PRKG1: variants seen among roughly 807,000 people sequenced by gnomAD.
PRKG1 encodes cGMP-dependent protein kinase 1.
PRKG1 carries 35 observed loss-of-function variants against 88.1 expected under a neutral mutation model. The observed-to-expected ratio is 0.40, with a 90% CI of 0.30 to 0.53. The LOEUF is 0.53. Ranked by LOEUF, PRKG1 falls within the 20% of genes least tolerant of loss-of-function variation. The pLI is 0.59. For missense variants in PRKG1, 540 were observed against 839.8 expected (o/e 0.64, Z 4.41); for synonymous variants, 303 against 292.5 (o/e 1.04, Z -0.37).
intron 5 of PRKG1, among the ~76,000 whole-genome samples, chr10:51,924,739 T>C (rs533994014): frequency 6.6e-6 from 1 of 152,050 alleles, no homozygotes; most frequent in East Asian, 1.9e-4. Context: ...GTCATTCCTG[T>C]TTTTTCTTTG....
chr10:52,163,898 G>A (rs10824178), intron 9 of PRKG1, among the ~76,000 whole-genome samples: 10,748 of 152,152 alleles, frequency 0.071, 404 homozygotes, highest in South Asian at 0.11. Flanking sequence ...CTGAATGAAG[G>A]CCAGAAGTCT....
chr10:51,355,947 G>A (rs533306090), intron 2 of PRKG1, among the ~76,000 whole-genome samples: 10 of 152,026 alleles, frequency 6.6e-5, no homozygotes, highest in African/African-American at 2.4e-4. Flanking sequence ...AAAAAGGGTG[G>A]GAAAAGCCTG....
chr10:51,811,992 T>G (rs1300823826), intron 4 of PRKG1, among the ~76,000 whole-genome samples: 1 of 152,198 alleles, frequency 6.6e-6, no homozygotes, highest in African/African-American at 2.4e-5. Flanking sequence ...GTATGACTTA[T>G]TAATATGAAG....
intron 5 of PRKG1, among the ~76,000 whole-genome samples, chr10:51,947,665 A>G (rs1427592925): frequency 6.6e-6 from 1 of 152,172 alleles, no homozygotes; most frequent in African/African-American, 2.4e-5. Flanking sequence ...AAGCAGGTTC[A>G]TGGGCTGAGG....
At chr10:51,706,888 ATGG>A (rs1244009132) in intron 3 of PRKG1, among the ~76,000 whole-genome samples, 2 of 152,040 alleles carry the variant, frequency 1.3e-5, no homozygotes, top group Non-Finnish European at 2.9e-5. Flanking sequence ...CTTACATTGT[ATGG>A]TCATTATTAA....
intron 3 of PRKG1, among the ~76,000 whole-genome samples, chr10:51,664,439 G>A (rs1262958765): frequency 6.6e-6 from 1 of 152,114 alleles, no homozygotes; most frequent in African/African-American, 2.4e-5. Context: ...TCCTAACATG[G>A]ACAGCTTATC....
intron 7 of PRKG1, chr10:52,081,726 G>A (rs1484334173): frequency 4.4e-6 from 2 of 455,550 alleles, no homozygotes; most frequent in African/African-American, 4.0e-5. Context: ...CAGGGTAAGG[G>A]TGAACAAGGT....
intron 5 of PRKG1, among the ~76,000 whole-genome samples, chr10:51,931,169 G>A (rs184888658): frequency 1.3e-5 from 2 of 152,180 alleles, no homozygotes; most frequent in Non-Finnish European, 2.9e-5. Context: ...TGTGTCTCTG[G>A]CACATCTGTC....
chr10:51,780,757 A>C (rs1838566765), intron 3 of PRKG1, among the ~76,000 whole-genome samples: 1 of 152,118 alleles, frequency 6.6e-6, no homozygotes, highest in Non-Finnish European at 1.5e-5. Flanking sequence ...GTAGCTGATG[A>C]TTGGGGAATT....
intron 9 of PRKG1, among the ~76,000 whole-genome samples, chr10:52,249,217 C>T (rs2132396541): frequency 6.6e-6 from 1 of 151,162 alleles, no homozygotes; most frequent in East Asian, 1.9e-4. Context: ...TGTAAAAAAG[C>T]CCCCAACCTT....
chr10:51,286,486 T>C lies in PRKG1; in HGVS notation c.478+133156T>C, dbSNP rs541366233. Among the ~76,000 whole-genome samples the C allele has an allele frequency of 4.6e-5, 7 of 152,326 alleles. No homozygotes were observed. In the South Asian group the frequency reaches 1.4e-3, roughly 32 times the overall value. On this transcript the variant is annotated intron_variant, in intron 2 of 17. Transcript: ENST00000373980. ...TTGTTTTTGTTCCTTTAGAAAATAT[T>C]ATATATTCTAACTTGAATTTCCTCT...
At chr10:51,577,589 C>T (rs1837921286) in intron 3 of PRKG1, among the ~76,000 whole-genome samples, 1 of 151,924 alleles carries the variant, frequency 6.6e-6, no homozygotes, top group Admixed American at 6.6e-5. Context: ...ATTTTCATTA[C>T]TATCACTTTT....
At chr10:52,145,465 T>C (rs1050050870) in intron 8 of PRKG1, among the ~76,000 whole-genome samples, 31 of 152,238 alleles carry the variant, frequency 2.0e-4, no homozygotes, top group African/African-American at 7.5e-4. Context: ...TTTGAAATTT[T>C]ATATTTGAAA....
At chr10:51,934,872 C>T (rs914844046) in intron 5 of PRKG1, among the ~76,000 whole-genome samples, 1 of 152,146 alleles carries the variant, frequency 6.6e-6, no homozygotes, top group African/African-American at 2.4e-5. Flanking sequence ...CCATTCTTTA[C>T]TCATGGATTT....
rs560790363 is a variant in PRKG1, at chr10:52,171,289, A to G, written c.1076+9326A>G. On this transcript the variant is annotated intron_variant, in intron 9 of 17. Transcript: ENST00000373980. ...AAAATTGTTTTCCCCTATGGAACGA[A>G]TTCAAGTGAGCAATATCCTCTTCCA... 2.6e-5 allele frequency among the ~76,000 whole-genome samples: 4 copies of G among 152,208 alleles called. No homozygotes were observed. In the South Asian group the frequency reaches 8.3e-4, roughly 32 times the overall value.
chr10:52,232,259 C>T (rs562827886), intron 9 of PRKG1, among the ~76,000 whole-genome samples: 5 of 151,976 alleles, frequency 3.3e-5, no homozygotes, highest in South Asian at 2.1e-4. Flanking sequence ...GCCGAGATCA[C>T]GCCATTACAC....
intron 2 of PRKG1, among the ~76,000 whole-genome samples, chr10:51,199,288 A>G (rs1358495291): frequency 6.6e-6 from 1 of 152,202 alleles, no homozygotes; most frequent in East Asian, 1.9e-4. Context: ...ATCTGTATGC[A>G]TGACTCTCAG....
chr10:51,481,267 T>C (rs556282616), intron 3 of PRKG1, among the ~76,000 whole-genome samples: 89 of 151,278 alleles, frequency 5.9e-4, no homozygotes, highest in Non-Finnish European at 6.3e-4. Context: ...TGTCTTTCTT[T>C]CTTTCTTTCT....
intron 2 of PRKG1, among the ~76,000 whole-genome samples, chr10:51,435,675 CTG>C (rs1180113648): frequency 3.3e-5 from 5 of 151,922 alleles, no homozygotes; most frequent in Non-Finnish European, 5.9e-5. Context: ...TCATGACTGA[CTG>C]TACTGGATGC....
Sources: allele counts gnomAD v4.1 joint callset (sites outside exome capture counted in the v4.1 genomes callset), GRCh38; gene constraint gnomAD v4.1.1; transcripts MANE v1.5; gene names NCBI Gene and HGNC (gene_info 2026-07-23, HGNC 2026-07-21).